Variants in MAP7D3 observed in about 807,000 individuals in gnomAD.
MAP7D3 encodes the protein MAP7 domain-containing protein 3.
MAP7D3 carries 45 observed loss-of-function variants against 62.2 expected under a neutral mutation model. That is an observed-to-expected ratio of 0.72 (90% CI 0.57 to 0.93). The LOEUF (loss-of-function observed/expected upper bound fraction) is 0.93. MAP7D3 is among the 40% of genes least tolerant of loss of function. MAP7D3 has a pLI of 0.00. For synonymous variants in MAP7D3, 288 were observed against 248.8 expected, an observed-to-expected ratio of 1.16 and a Z score of -1.48; for missense variants, 711 against 683.1, an observed-to-expected ratio of 1.04 and a Z score of -0.45.
chrX:136,216,975 A>G lies in MAP7D3; in HGVS notation c.*1551T>C, dbSNP rs1041217899. The G allele has an allele frequency of 5.4e-5, 6 of 112,103 alleles. No individual in the cohort carries two copies. The highest frequency in any genetic ancestry group is 4.7e-4 in the Admixed American group (5 of 10,546). The allele number at this position is 112,103 out of a possible 1,213,427, so 9.2% of individuals were successfully genotyped here. ...GCTAGTATATAAAAATAGTTTTTAA[A>G]CCAAAGGTAACCTTCTCTATTCTAT... On this transcript the variant is annotated 3_prime_UTR_variant, in exon 19 of 19. Coordinates refer to ENST00000316077, the MANE Select transcript of MAP7D3 (RefSeq NM_024597.4).
At chrX:136,226,425 G>A (rs2074197936) in intron 12 of MAP7D3, among the ~76,000 whole-genome samples, 2 of 111,886 alleles carry the variant, frequency 1.8e-5, no homozygotes, top group African/African-American at 6.5e-5. Flanking sequence ...CAATGCTGGT[G>A]AATAATACAC....
intron 4 of MAP7D3, among the ~76,000 whole-genome samples, chrX:136,244,182 C>A (rs1432219253): frequency 9.0e-6 from 1 of 111,266 alleles, no homozygotes; most frequent in Non-Finnish European, 1.9e-5. Flanking sequence ...GAGCGAATGC[C>A]CTGATTTGGC....
intron 14 of MAP7D3, among the ~76,000 whole-genome samples, chrX:136,224,425 G>T (rs2074169588): frequency 9.4e-6 from 1 of 106,158 alleles, no homozygotes; most frequent in Non-Finnish European, 1.9e-5. Context: ...GAAATGATCA[G>T]CGTTTGAGGT....
At chrX:136,240,742 G>A (rs1344836705) in intron 5 of MAP7D3, among the ~76,000 whole-genome samples, 1 of 111,502 alleles carries the variant, frequency 9.0e-6, no homozygotes, top group East Asian at 2.8e-4. Context: ...CTACAGGTGT[G>A]AGCCACGGCA....
At position 136,217,534 on chromosome X, in the gene MAP7D3, G is replaced by A. The variant is rs1377146022; in HGVS notation, c.*992C>T. ...GCTTTACAGGACTCCCAGCATTTCA[G>A]GTTATTAGTGCCTGTGTACTCACTG... On this transcript the variant is annotated 3_prime_UTR_variant, in exon 19 of 19. Coordinates refer to ENST00000316077, the MANE Select transcript of MAP7D3 (RefSeq NM_024597.4). 2 of 111,943 alleles carry A rather than the reference G, an allele frequency of 1.8e-5. No individual in the cohort carries two copies. The highest frequency in any genetic ancestry group is 3.8e-5 in the Non-Finnish European group (2 of 53,137). 9.2% of individuals were successfully genotyped at this position (111,943 alleles called of 1,213,427 possible). A position where few individuals can be genotyped will look rare whatever the true frequency, so the allele number is the denominator to read the frequency against.
intron 4 of MAP7D3, among the ~76,000 whole-genome samples, chrX:136,242,096 CAAAGATA>C (rs1030968250): frequency 8.1e-5 from 9 of 111,257 alleles, no homozygotes; most frequent in African/African-American, 2.9e-4. Context: ...CTACCAATGG[CAAAGATA>C]AACGTACTAG....
chrX:136,233,167 G>A (rs1317645526), intron 7 of MAP7D3, among the ~76,000 whole-genome samples: 1 of 109,821 alleles, frequency 9.1e-6, no homozygotes, highest in Non-Finnish European at 1.9e-5. Context: ...TTCATTTTGT[G>A]AAAAAAAATA....
chrX:136,240,650 G>C (rs2074379864), intron 5 of MAP7D3, among the ~76,000 whole-genome samples, 164 bp from the exon 6 acceptor site: 1 of 111,048 alleles, frequency 9.0e-6, no homozygotes, highest in Admixed American at 9.6e-5. Flanking sequence ...AGTAGAGACG[G>C]GGCTTCACCA....
chrX:136,219,505 G>C lies in MAP7D3; in HGVS notation c.2566-10C>G. The C allele has an allele frequency of 8.3e-7, 1 of 1,199,231 alleles. No individual in the cohort carries two copies. The highest frequency in any genetic ancestry group is 1.1e-6 in the Non-Finnish European group (1 of 884,314). On this transcript the variant is annotated splice_polypyrimidine_tract_variant and intron_variant, in intron 17 of 18. Coordinates refer to ENST00000316077, the MANE Select transcript of MAP7D3 (RefSeq NM_024597.4). Reference sequence around the variant, plus strand: ...CAGATTTTGTTTGTGCCTGTCAGGAGAAAAATGTGACAAAGATAGTTCTGT... The same window carrying C: ...CAGATTTTGTTTGTGCCTGTCAGGACAAAAATGTGACAAAGATAGTTCTGT...
At chrX:136,230,684 G>C (rs906310571) in intron 9 of MAP7D3, 91 bp from the exon 10 acceptor site, 1 of 882,992 alleles carries the variant, frequency 1.1e-6, no homozygotes, top group African/African-American at 2.0e-5. Flanking sequence ...ATTATAATCA[G>C]GGAATTTTTC....
At chrX:136,239,899 T>A (rs187260675) in intron 6 of MAP7D3, among the ~76,000 whole-genome samples, 3 of 111,983 alleles carry the variant, frequency 2.7e-5, no homozygotes, top group Admixed American at 9.5e-5. Flanking sequence ...ACAAACATCA[T>A]GAAACAAGTA....
At chrX:136,231,449 G>T (rs968437266) in intron 8 of MAP7D3, 95 bp downstream of exon 8, 1 of 671,166 alleles carries the variant, frequency 1.5e-6, no homozygotes, top group Admixed American at 3.2e-5. Context: ...TAAATAATAT[G>T]CTGGTTATGT....
chrX:136,222,069 G>A (rs1041939537), intron 15 of MAP7D3, among the ~76,000 whole-genome samples: 16 of 112,504 alleles, frequency 1.4e-4, no homozygotes, highest in African/African-American at 5.2e-4. Flanking sequence ...TTGAGGAGCT[G>A]AGCTATGAAA....
Position 136,251,370 on chromosome X carries a change from C to T in MAP7D3, c.-12G>A, listed in dbSNP as rs1185550938. ...CCGTCCGCCATCATCGGAGTCGGGA[C>T]CGGAGGCGGTGGTGGCTCTCCGCAT... On this transcript the variant is annotated 5_prime_UTR_variant, in exon 1 of 19. Coordinates refer to ENST00000316077, the MANE Select transcript of MAP7D3 (RefSeq NM_024597.4). 2.7e-6 allele frequency: 3 copies of T among 1,104,901 alleles called. No individual in the cohort carries two copies. The highest frequency in any genetic ancestry group is 3.5e-6 in the Non-Finnish European group (3 of 847,080). 91.1% of individuals were successfully genotyped at this position (1,104,901 alleles called of 1,213,427 possible).
chrX:136,256,318 A>T, upstream of MAP7D3: 1 of 1,154,903 alleles, frequency 8.7e-7, no homozygotes, highest in Non-Finnish European at 1.1e-6. Context: ...GGGGCTGGTC[A>T]TGTCTCACTT....
intron 3 of MAP7D3, 35 bp from the exon 4 acceptor site, chrX:136,244,830 A>T: frequency 9.3e-7 from 1 of 1,077,761 alleles, no homozygotes; most frequent in African/African-American, 1.9e-5. Context: ...AAGGTGTAAG[A>T]GCCAAGAAAA....
chrX:136,227,382 C>G lies in MAP7D3; in HGVS notation c.1936G>C (p.Ala646Pro), dbSNP rs750406772. 1 of 1,198,788 alleles carries G rather than the reference C, an allele frequency of 8.3e-7. No individual in the cohort carries two copies. The highest frequency in any genetic ancestry group is 1.1e-6 in the Non-Finnish European group (1 of 886,229). ...TCTTTGAGTTTCAAGTGGTCTTCTG[C>G]TTGGCCTCCAACTGCTTCCTTTGCC... ...DMAKEAVGGQ[A>P]EDHLKLKDGQ... The change falls in exon 12 of 19, where the codon GCA becomes CCA. Residue 646 changes from alanine to proline, a missense_variant. Coordinates refer to ENST00000316077, the MANE Select transcript of MAP7D3 (RefSeq NM_024597.4).
At position 136,226,623 on chromosome X, in the gene MAP7D3, G is replaced by A. The variant is rs145492917; in HGVS notation, c.2035-610C>T. Among the ~76,000 whole-genome samples the A allele has an allele frequency of 4.0e-4, 45 of 111,822 alleles. No homozygotes were observed. The East Asian group carries it at 0.012, about 29-fold the overall frequency. ...TGTTACAGGGGTGTAAGGTCCAGTT[G>A]ATGGAGTTGTATATGGTACCACAGA... On this transcript the variant is annotated intron_variant, in intron 12 of 18. Transcript: ENST00000316077.
intron 7 of MAP7D3, among the ~76,000 whole-genome samples, chrX:136,233,264 G>T (rs1338634281): frequency 3.0e-5 from 3 of 100,036 alleles, no homozygotes; most frequent in Admixed American, 2.3e-4. Flanking sequence ...AATATTTATT[G>T]CTTAAACGAT....
Sources: gnomAD v4.1 joint callset for allele counts (sites outside exome capture counted in the v4.1 genomes callset) on GRCh38, gnomAD v4.1.1 for gene constraint, MANE v1.5 for transcripts, NCBI Gene and HGNC (gene_info 2026-07-23, HGNC 2026-07-21) for gene names.